SSBP3: variants seen among roughly 807,000 people sequenced by gnomAD.
The protein encoded by SSBP3 is single-stranded DNA-binding protein 3.
In SSBP3, 5 loss-of-function variants were observed where a neutral mutation model predicts 69.6. The ratio of observed to expected loss-of-function variants is 0.07; its 90% confidence interval spans 0.04 to 0.15. The LOEUF is 0.15. SSBP3 is among the 10% of genes least tolerant of loss of function. The pLI is 1.00. For synonymous variants in SSBP3, 196 were observed against 193.4 expected, an observed-to-expected ratio of 1.01 and a Z score of -0.11; for missense variants, 312 against 534.0, an observed-to-expected ratio of 0.58 and a Z score of 4.10.
intron 4 of SSBP3, among the ~76,000 whole-genome samples, chr1:54,354,975 C>T (rs1476989780): frequency 6.6e-6 from 1 of 152,160 alleles, no homozygotes; most frequent in Non-Finnish European, 1.5e-5. Flanking sequence ...CTTTCCAAGG[C>T]CAGAAGACTG....
chr1:54,227,173 A>G lies in SSBP3; in HGVS notation c.1138-13T>C. 3.3e-6 allele frequency: 2 copies of G among 601,694 alleles called. No homozygotes were observed. Among genetic ancestry groups the G allele is most frequent in the Non-Finnish European group, 5.4e-6 (2 of 372,434 alleles). 37.3% of individuals were successfully genotyped at this position (601,694 alleles called of 1,614,324 possible). The stretch of plus-strand genomic sequence containing the variant: ...TGCTTGGAGAATACTGGAAAGGAGA[A>G]GCAGAGAAGGGGGGGGGGTGAGGAT... On this transcript the variant is annotated splice_polypyrimidine_tract_variant and intron_variant, in intron 17 of 17. Transcript: ENST00000610401.
chr1:54,319,886 A>T (rs1646182924), intron 4 of SSBP3, among the ~76,000 whole-genome samples: 1 of 152,172 alleles, frequency 6.6e-6, no homozygotes, highest in Admixed American at 6.5e-5. Context: ...TGAGGAATGA[A>T]GCAACCACAA....
At chr1:54,321,603 T>C (rs553753040) in intron 4 of SSBP3, among the ~76,000 whole-genome samples, 2 of 152,340 alleles carry the variant, frequency 1.3e-5, no homozygotes, top group African/African-American at 2.4e-5. Flanking sequence ...GTTTTCTCCA[T>C]GGAAAACTGG....
At chr1:54,327,284 A>T (rs1646327307) in intron 4 of SSBP3, among the ~76,000 whole-genome samples, 1 of 149,660 alleles carries the variant, frequency 6.7e-6, no homozygotes, top group South Asian at 2.1e-4. Flanking sequence ...CAACAACAAG[A>T]ACAACAACAA....
At chr1:54,409,728 C>A (rs1248657522), upstream of SSBP3, among the ~76,000 whole-genome samples, 1 of 152,166 alleles carries the variant, frequency 6.6e-6, no homozygotes, top group Non-Finnish European at 1.5e-5. Flanking sequence ...TCTCTGTCCC[C>A]CATCTTTCTC....
At chr1:54,282,647 CGAGGCTGA>C (rs1385402280) in intron 4 of SSBP3, among the ~76,000 whole-genome samples, 2 of 152,130 alleles carry the variant, frequency 1.3e-5, no homozygotes, top group African/African-American at 4.8e-5. Flanking sequence ...CGGGGCGGGG[CGAGGCTGA>C]GACATCTGGG....
At chr1:54,376,732 G>A (rs1014393944) in intron 4 of SSBP3, among the ~76,000 whole-genome samples, 5 of 152,130 alleles carry the variant, frequency 3.3e-5, no homozygotes, top group Non-Finnish European at 7.4e-5. Context: ...CACCACCAGC[G>A]CATCAAAGGT....
At chr1:54,325,913 CA>C (rs1265244745) in intron 4 of SSBP3, among the ~76,000 whole-genome samples, 20 of 152,150 alleles carry the variant, frequency 1.3e-4, no homozygotes, top group Admixed American at 1.1e-3. Flanking sequence ...TGCTTGACAT[CA>C]GGGGATTGTA....
intron 4 of SSBP3, among the ~76,000 whole-genome samples, chr1:54,320,320 G>T (rs561381700): frequency 2.6e-5 from 4 of 152,180 alleles, no homozygotes; most frequent in Admixed American, 2.0e-4. Flanking sequence ...TACCAAAAAG[G>T]TTTTTTTGTT....
intron 4 of SSBP3, among the ~76,000 whole-genome samples, chr1:54,351,995 C>A (rs1336514847): frequency 6.6e-6 from 1 of 152,190 alleles, no homozygotes; most frequent in Non-Finnish European, 1.5e-5. Context: ...AGGCAAAACA[C>A]ATGAAGACCC....
At chr1:54,246,582 G>A (rs1272260540) in intron 9 of SSBP3, among the ~76,000 whole-genome samples, 1 of 152,186 alleles carries the variant, frequency 6.6e-6, no homozygotes, top group Non-Finnish European at 1.5e-5. Flanking sequence ...GAGCTGGGAG[G>A]CTCCAAGTGC....
At chr1:54,248,372 A>G (rs1008789931) in intron 9 of SSBP3, among the ~76,000 whole-genome samples, 10 of 152,200 alleles carry the variant, frequency 6.6e-5, no homozygotes, top group Admixed American at 6.5e-5. Context: ...TGGGGACTTC[A>G]AGTAACATTT....
intron 14 of SSBP3, among the ~76,000 whole-genome samples, chr1:54,236,240 C>T (rs1418501446): frequency 1.3e-5 from 2 of 152,070 alleles, no homozygotes; most frequent in Admixed American, 6.5e-5. Flanking sequence ...CTCAGCCTCC[C>T]GAGTGGCTGG....
intron 14 of SSBP3, chr1:54,236,334 C>CT (rs755743293): frequency 4.6e-5 from 7 of 152,184 alleles, no homozygotes; most frequent in Non-Finnish European, 7.3e-5. Flanking sequence ...CCAGGCTGGT[C>CT]TTTAACTCCC....
chr1:54,376,292 C>T (rs1254881438), intron 4 of SSBP3, among the ~76,000 whole-genome samples: 2 of 152,192 alleles, frequency 1.3e-5, no homozygotes, highest in African/African-American at 2.4e-5. Context: ...CTACCCCTTT[C>T]CTCAAGTTCT....
intron 4 of SSBP3, among the ~76,000 whole-genome samples, chr1:54,300,148 C>T (rs1051551002): frequency 1.3e-5 from 2 of 152,142 alleles, no homozygotes; most frequent in Non-Finnish European, 2.9e-5. Context: ...GTGCTGGACT[C>T]GTGGCTGGCC....
chr1:54,254,761 C>G (rs368018037), intron 7 of SSBP3, among the ~76,000 whole-genome samples: 3 of 152,218 alleles, frequency 2.0e-5, no homozygotes, highest in African/African-American at 7.2e-5. Flanking sequence ...GGGGCACATC[C>G]CTCTTTGGAG....
In SSBP3 at chr1:54,349,178, G is replaced by C. The variant is rs183619353; in HGVS notation, c.276+52683C>G. 2.1e-4 allele frequency among the ~76,000 whole-genome samples: 32 copies of C among 152,340 alleles called. 1 individual carries two copies. The highest frequency in any genetic ancestry group is 8.5e-4 in the Admixed American group (13 of 15,310). On this transcript the variant is annotated intron_variant, in intron 4 of 17. Transcript: ENST00000610401. ...CACATCAAAAAGAGCCACTATGGAG[G>C]AGAGATTAGAATTATTAGGGTCATA...
At chr1:54,252,462 C>A (rs1199553295) in intron 7 of SSBP3, among the ~76,000 whole-genome samples, 2 of 152,076 alleles carry the variant, frequency 1.3e-5, no homozygotes, top group African/African-American at 4.8e-5. Flanking sequence ...GCCAAGTGAG[C>A]ACCCAGGTCA....
Sources: allele counts gnomAD v4.1 joint callset (sites outside exome capture counted in the v4.1 genomes callset), GRCh38; gene constraint gnomAD v4.1.1; transcripts MANE v1.5; gene names NCBI Gene and HGNC (gene_info 2026-07-23, HGNC 2026-07-21).